The following FRMD5 variants were observed in gnomAD, a reference collection of about 807,000 sequenced individuals.
FRMD5 encodes the protein FERM domain containing 5.
FRMD5 carries 20 observed loss-of-function variants against 69.0 expected under a neutral mutation model. The ratio of observed to expected loss-of-function variants is 0.29; its 90% CI spans 0.20 to 0.42. The LOEUF (loss-of-function observed/expected upper bound fraction) is 0.42. FRMD5 is among the 10% of genes least tolerant of loss of function. The pLI, the probability that FRMD5 is intolerant of heterozygous loss-of-function variation, is 1.00. For missense variants in FRMD5, 595 were observed against 708.6 expected (o/e 0.84, Z 1.82); for synonymous variants, 271 against 260.1 (o/e 1.04, Z -0.40).
At chr15:44,190,176 C>T (rs1197763450) in intron 1 of FRMD5, among the ~76,000 whole-genome samples, 2 of 152,144 alleles carry the variant, frequency 1.3e-5, no homozygotes, top group Admixed American at 6.5e-5. Flanking sequence ...ATTTGAGAGA[C>T]GAGCAACTCG....
chr15:43,895,273 A>G (rs1181887770), intron 7 of FRMD5, among the ~76,000 whole-genome samples: 1 of 152,220 alleles, frequency 6.6e-6, no homozygotes, highest in Non-Finnish European at 1.5e-5. Context: ...CTGTTAGGGG[A>G]CCATGGAAGA....
intron 7 of FRMD5, among the ~76,000 whole-genome samples, chr15:43,894,170 C>T (rs902872984): frequency 1.3e-5 from 2 of 152,140 alleles, no homozygotes; most frequent in Non-Finnish European, 2.9e-5. Flanking sequence ...AAACACTGTT[C>T]CTGTCAGGAG....
In FRMD5 at chr15:43,999,953, CATATATATATATATATATATATAT is replaced by C. The variant is rs34872140; in HGVS notation, c.103-75668_103-75645del. On this transcript the variant is annotated intron_variant, in intron 1 of 13. Transcript: ENST00000417257. ...TATATATATATATATATATGCCATG[CATATATATATATATATATATATAT>C]ATATATATATATGTGCCATGATTTC... is the stretch of plus-strand genomic sequence containing the variant. Among the ~76,000 whole-genome samples the C allele has an allele frequency of 3.6e-3, 300 of 82,902 alleles. 7 individuals carry two copies. Among genetic ancestry groups the C allele is most frequent in the African/African-American group, 0.018 (277 of 15,646 alleles). 54.4% of individuals were successfully genotyped at this position (82,902 alleles called of 152,430 possible).
rs1235679940 is a variant in FRMD5 at position 43,985,941 on chromosome 15, A to G, written c.103-61632T>C. ...CAGAGTAGATAACTGACCAGGAATC[A>G]GAAAATTAGCAGTGGGCCTGAAGGA... is the stretch of plus-strand genomic sequence containing the variant. On this transcript the variant is annotated intron_variant, in intron 1 of 13. Transcript: ENST00000417257. Among the ~76,000 whole-genome samples the G allele has an allele frequency of 6.6e-5, 10 of 152,346 alleles. No individual in the cohort carries two copies. In the East Asian group the frequency reaches 1.7e-3, roughly 26 times the overall value.
upstream of FRMD5, among the ~76,000 whole-genome samples, chr15:44,197,439 T>G (rs2615301): frequency 0.48 from 72,193 of 151,746 alleles, 19,329 homozygotes; most frequent in Admixed American, 0.63. Flanking sequence ...ATCCCAGTAC[T>G]TTAGGAGGCC....
chr15:44,184,422 T>C (rs1235671454), intron 1 of FRMD5, among the ~76,000 whole-genome samples: 5 of 152,242 alleles, frequency 3.3e-5, no homozygotes, highest in Admixed American at 3.3e-4. Context: ...TTTCCATTTG[T>C]TTGTACTGCC....
intron 1 of FRMD5, among the ~76,000 whole-genome samples, chr15:44,053,685 G>C (rs75928128): frequency 6.6e-6 from 1 of 152,102 alleles, no homozygotes; most frequent in Non-Finnish European, 1.5e-5. Flanking sequence ...CATTAATAAA[G>C]AAAACACTGT....
At chr15:44,036,451 G>A (rs914217289) in intron 1 of FRMD5, among the ~76,000 whole-genome samples, 11 of 152,154 alleles carry the variant, frequency 7.2e-5, no homozygotes, top group African/African-American at 1.7e-4. Context: ...TATAGGCACC[G>A]GCAGCTGGGC....
At chr15:44,055,151 G>A (rs986633000) in intron 1 of FRMD5, among the ~76,000 whole-genome samples, 3 of 152,004 alleles carry the variant, frequency 2.0e-5, no homozygotes, top group Non-Finnish European at 2.9e-5. Flanking sequence ...CTGGCTATAG[G>A]ATCTGAAATG....
intron 1 of FRMD5, among the ~76,000 whole-genome samples, chr15:43,961,561 A>G (rs1457077339): frequency 6.6e-6 from 1 of 152,236 alleles, no homozygotes; most frequent in Non-Finnish European, 1.5e-5. Context: ...TTATGAGGTC[A>G]GCATCATCCT....
At chr15:43,921,138 G>A (rs1198591767) in intron 2 of FRMD5, among the ~76,000 whole-genome samples, 1 of 152,216 alleles carries the variant, frequency 6.6e-6, no homozygotes, top group African/African-American at 2.4e-5. Flanking sequence ...TTCACAGGGA[G>A]GCAAAGGCAA....
At chr15:43,884,836 C>G (rs935932370) in intron 11 of FRMD5, 41 bp from the exon 12 acceptor site, 3 of 1,559,986 alleles carry the variant, frequency 1.9e-6, no homozygotes. Context: ...AGAAATGAGA[C>G]TGTGTTGTAG....
chr15:43,904,319 T>C (rs1305358123), intron 6 of FRMD5, among the ~76,000 whole-genome samples: 1 of 152,214 alleles, frequency 6.6e-6, no homozygotes, highest in African/African-American at 2.4e-5. Context: ...ACAAACCTTT[T>C]AAAATATTTT....
intron 1 of FRMD5, among the ~76,000 whole-genome samples, chr15:44,039,702 T>C (rs1354628839): frequency 6.6e-6 from 1 of 151,904 alleles, no homozygotes; most frequent in East Asian, 1.9e-4. Context: ...GGTAGACAAA[T>C]CCACAAAGAT....
At chr15:44,115,057 G>A (rs1212186318) in intron 1 of FRMD5, among the ~76,000 whole-genome samples, 3 of 152,152 alleles carry the variant, frequency 2.0e-5, no homozygotes, top group African/African-American at 7.2e-5. Flanking sequence ...AAAAAAAACT[G>A]AGTAAGCTAA....
At chr15:43,974,092 G>A (rs982200717) in intron 1 of FRMD5, among the ~76,000 whole-genome samples, 10 of 151,684 alleles carry the variant, frequency 6.6e-5, no homozygotes, top group Non-Finnish European at 1.3e-4. Flanking sequence ...GAGACAAAGA[G>A]GCACTTTCAA....
chr15:43,968,660 T>C (rs1439572203), intron 1 of FRMD5, among the ~76,000 whole-genome samples: 1 of 152,220 alleles, frequency 6.6e-6, no homozygotes, highest in African/African-American at 2.4e-5. Context: ...CTACTATGTA[T>C]GAACGTGTAT....
chr15:44,168,091 T>C (rs2077739990), intron 1 of FRMD5, among the ~76,000 whole-genome samples: 1 of 152,186 alleles, frequency 6.6e-6, no homozygotes, highest in Non-Finnish European at 1.5e-5. Context: ...CAATCCTTCA[T>C]TAAATGGGGG....
intron 1 of FRMD5, among the ~76,000 whole-genome samples, chr15:43,954,451 G>A (rs2090083594): frequency 6.6e-6 from 1 of 152,162 alleles, no homozygotes; most frequent in Admixed American, 6.5e-5. Flanking sequence ...CAAATGTAGG[G>A]GATGAGTGAC....
Sources: allele counts gnomAD v4.1 joint callset (sites outside exome capture counted in the v4.1 genomes callset), GRCh38; gene constraint gnomAD v4.1.1; transcripts MANE v1.5; gene names NCBI Gene and HGNC (gene_info 2026-07-23, HGNC 2026-07-21).